COL4A6: variants seen among roughly 807,000 people sequenced by gnomAD.
The protein encoded by COL4A6 is collagen alpha-6(IV) chain.
COL4A6 carries 59 observed loss-of-function variants against 126.7 expected under a neutral mutation model. The observed-to-expected ratio is 0.47, with a 90% confidence interval of 0.38 to 0.58. The LOEUF (loss-of-function observed/expected upper bound fraction) is 0.58, where lower values mean the gene tolerates loss of function less well. COL4A6 is among the 20% of genes least tolerant of loss of function. COL4A6 has a pLI of 0.00. For missense variants in COL4A6, 1,285 were observed against 1,337.3 expected, an observed-to-expected ratio of 0.96 and a Z score of 0.61; for synonymous variants, 547 against 496.6, an observed-to-expected ratio of 1.10 and a Z score of -1.35.
At chrX:108,173,677 G>A (rs1280065281) in intron 31 of COL4A6, among the ~76,000 whole-genome samples, 1 of 112,426 alleles carries the variant, frequency 8.9e-6, no homozygotes, top group Admixed American at 9.4e-5. Context: ...CATGAGTCAT[G>A]TCACTTAACC....
chrX:108,408,883 C>T (rs1030107835), intron 2 of COL4A6, among the ~76,000 whole-genome samples: 1 of 111,803 alleles, frequency 8.9e-6, no homozygotes, highest in Non-Finnish European at 1.9e-5. Flanking sequence ...ATTGCTTGAA[C>T]CCGGGAGGCA....
intron 2 of COL4A6, among the ~76,000 whole-genome samples, chrX:108,399,837 T>A (rs1450501215): frequency 8.9e-6 from 1 of 111,735 alleles, no homozygotes; most frequent in Non-Finnish European, 1.9e-5. Flanking sequence ...TCCTACTTGT[T>A]TAACATGGAG....
At chrX:108,371,600 T>A (rs1486914105) in intron 2 of COL4A6, among the ~76,000 whole-genome samples, 13 of 105,991 alleles carry the variant, frequency 1.2e-4, no homozygotes, top group African/African-American at 4.1e-4. Context: ...AAAAAAACTC[T>A]TTTAAATATT....
At chrX:108,284,267 C>CA (rs1332199540) in intron 3 of COL4A6, among the ~76,000 whole-genome samples, 1 of 105,307 alleles carries the variant, frequency 9.5e-6, no homozygotes, top group Non-Finnish European at 1.9e-5. Flanking sequence ...ACAATGAGAA[C>CA]CGTGGACACA....
chrX:108,180,570 A>T lies in COL4A6; in HGVS notation c.2076T>A (p.Ser692Arg). 1 of 1,207,040 alleles carries T rather than the reference A, an allele frequency of 8.3e-7. No homozygotes were observed. The highest frequency in any genetic ancestry group is 1.8e-5 in the South Asian group (1 of 55,703). Reference sequence around the variant, plus strand: ...GACTCCCTGGCTCTCCTTTACTTCCACTTGACCCAGGCTGGCCTGGGGTCC... The same window carrying T: ...GACTCCCTGGCTCTCCTTTACTTCCTCTTGACCCAGGCTGGCCTGGGGTCC... The part of the protein sequence containing the change: ...LPGTPGQPGS[S>R]GSKGEPGSPG... Residue 692 changes from serine (S) to arginine (R), a missense_variant, in exon 25 of 45, where the codon AGT (serine) becomes AGA (arginine). Ser to Arg is a moderately radical substitution (Grantham distance 110). Transcript: ENST00000334504.
intron 3 of COL4A6, among the ~76,000 whole-genome samples, chrX:108,310,121 G>A (rs146288015): frequency 3.8e-3 from 427 of 111,581 alleles, no homozygotes; most frequent in African/African-American, 0.014. Context: ...TTCAGGGATT[G>A]ATAGAAATGT....
intron 3 of COL4A6, among the ~76,000 whole-genome samples, chrX:108,287,626 G>A (rs1426924594): frequency 9.0e-6 from 1 of 111,698 alleles, no homozygotes; most frequent in Non-Finnish European, 1.9e-5. Context: ...TCTGAGGATT[G>A]TTCCTTCTGC....
chrX:108,251,916 T>C (rs1325740537), intron 3 of COL4A6, among the ~76,000 whole-genome samples: 1 of 111,947 alleles, frequency 8.9e-6, no homozygotes, highest in Non-Finnish European at 1.9e-5. Context: ...GTATACATTA[T>C]TTAATGATCA....
intron 3 of COL4A6, among the ~76,000 whole-genome samples, chrX:108,292,501 C>T (rs746519169): frequency 1.8e-5 from 2 of 111,773 alleles, no homozygotes; most frequent in East Asian, 5.7e-4. Flanking sequence ...GTGAAAGGGT[C>T]ATCTTCTCCC....
intron 3 of COL4A6, among the ~76,000 whole-genome samples, chrX:108,298,470 G>A (rs947060235): frequency 1.8e-5 from 2 of 111,459 alleles, no homozygotes; most frequent in Non-Finnish European, 3.8e-5. Context: ...CTCCCTGGGC[G>A]GCCTCACCAC....
rs138267158 is a variant in COL4A6, at chrX:108,164,961, G to A, written c.3886C>T (p.Pro1296Ser). 354 of 1,208,798 alleles carry A rather than the reference G, an allele frequency of 2.9e-4. 1 individual carries two copies. Among genetic ancestry groups the A allele is most frequent in the Middle Eastern group, 1.4e-3 (6 of 4,364 alleles). Reference protein sequence around the residue: ...NQGDTGDPGFPGIPGPKGPKG... With the variant: ...NQGDTGDPGFSGIPGPKGPKG... ...GGCCCTTTAGGTCCAGGAATTCCAGGGAAGCCAGGGTCTCCGGTGTCGCCT... is the reference window on the plus strand; with the variant it reads ...GGCCCTTTAGGTCCAGGAATTCCAGAGAAGCCAGGGTCTCCGGTGTCGCCT... The change falls in exon 39 of 45, where the codon CCT becomes TCT. Residue 1296 changes from proline (P) to serine (S), a missense_variant. Transcript: ENST00000334504.
At chrX:108,346,221 T>A (rs2039703079) in intron 2 of COL4A6, among the ~76,000 whole-genome samples, 1 of 111,590 alleles carries the variant, frequency 9.0e-6, no homozygotes, top group African/African-American at 3.3e-5. Context: ...GCAGTGTGTG[T>A]GAAGCGCTTC....
chrX:108,319,035 C>T (rs1157523428), intron 2 of COL4A6, among the ~76,000 whole-genome samples: 1 of 112,648 alleles, frequency 8.9e-6, no homozygotes, highest in African/African-American at 3.2e-5. Flanking sequence ...TAGGAGAGAA[C>T]ATGGTTTATC....
At chrX:108,391,419 G>A (rs1358093597) in intron 2 of COL4A6, among the ~76,000 whole-genome samples, 5 of 111,716 alleles carry the variant, frequency 4.5e-5, no homozygotes, top group African/African-American at 1.6e-4. Flanking sequence ...TAGAGAGGCA[G>A]GAGGCCTTGC....
intron 2 of COL4A6, among the ~76,000 whole-genome samples, chrX:108,428,194 C>T (rs1343788386): frequency 9.0e-6 from 1 of 111,223 alleles, no homozygotes; most frequent in Non-Finnish European, 1.9e-5. Context: ...AAATATATCT[C>T]GTAATGTTTT....
intron 3 of COL4A6, among the ~76,000 whole-genome samples, chrX:108,294,472 A>T (rs1380107146): frequency 2.9e-5 from 3 of 103,589 alleles, no homozygotes; most frequent in Non-Finnish European, 3.9e-5. Flanking sequence ...GTTGCTAGGG[A>T]CACCAAAGCC....
chrX:108,320,175 A>C (rs904461356), intron 2 of COL4A6, among the ~76,000 whole-genome samples: 1 of 111,782 alleles, frequency 8.9e-6, no homozygotes, highest in Non-Finnish European at 1.9e-5. Flanking sequence ...AGGTTTGTGG[A>C]GAAATAAGGT....
At chrX:108,295,961 A>G (rs1340151947) in intron 3 of COL4A6, among the ~76,000 whole-genome samples, 1 of 112,143 alleles carries the variant, frequency 8.9e-6, no homozygotes, top group Non-Finnish European at 1.9e-5. Context: ...TTATTACCTC[A>G]TTTTAACTGA....
intron 37 of COL4A6, 148 bp from the exon 38 acceptor site, chrX:108,165,634 T>C: frequency 2.6e-6 from 1 of 385,900 alleles, no homozygotes; most frequent in Non-Finnish European, 4.4e-6. Context: ...GGGCTCTTCT[T>C]CCCTAATCCT....
Sources: gnomAD v4.1 joint callset for allele counts (sites outside exome capture counted in the v4.1 genomes callset) on GRCh38, gnomAD v4.1.1 for gene constraint, MANE v1.5 for transcripts, NCBI Gene and HGNC (gene_info 2026-07-23, HGNC 2026-07-21) for gene names.